NEK10: variants seen among roughly 807,000 people sequenced by gnomAD.
The protein encoded by NEK10 is serine/threonine-protein kinase Nek10.
A neutral mutation model predicts 159.8 loss-of-function variants in NEK10; 122 were observed. The ratio of observed to expected loss-of-function variants is 0.76; its 90% CI spans 0.66 to 0.89. The LOEUF (loss-of-function observed/expected upper bound fraction) is 0.89. Among genes scored for constraint, NEK10 ranks in the 40% least tolerant of loss-of-function variants. The pLI, the probability that NEK10 is intolerant of heterozygous loss-of-function variation, is 0.00. For missense variants in NEK10, 1,342 were observed against 1,323.1 expected, an observed-to-expected ratio of 1.01 and a Z score of -0.22; for synonymous variants, 466 against 457.1, an observed-to-expected ratio of 1.02 and a Z score of -0.25.
intron 23 of NEK10, among the ~76,000 whole-genome samples, chr3:27,219,944 T>A (rs897748764): frequency 2.0e-5 from 3 of 152,086 alleles, no homozygotes; most frequent in African/African-American, 7.2e-5. Flanking sequence ...CAATCCAAGA[T>A]GAAATTAAGA....
At chr3:27,307,555 A>G (rs1356876436) in intron 11 of NEK10, among the ~76,000 whole-genome samples, 1 of 152,202 alleles carries the variant, frequency 6.6e-6, no homozygotes. Context: ...GAGCCACCTC[A>G]GAGTTTCTTT....
intron 13 of NEK10, among the ~76,000 whole-genome samples, chr3:27,301,221 G>A (rs547119051): frequency 1.3e-5 from 2 of 152,354 alleles, no homozygotes; most frequent in South Asian, 2.1e-4. Context: ...CTGCTTGCAT[G>A]TGAAAATCCT....
intron 26 of NEK10, among the ~76,000 whole-genome samples, chr3:27,186,226 C>A (rs1252007538): frequency 6.6e-6 from 1 of 152,208 alleles, no homozygotes; most frequent in Non-Finnish European, 1.5e-5. Context: ...CGAAACACAT[C>A]CCAACATATT....
rs1467003545 is a variant in NEK10, at chr3:27,310,866, T to C, written c.636+83A>G. On this transcript the variant is annotated intron_variant, in intron 9 of 35. Coordinates refer to ENST00000691995, the MANE Select transcript of NEK10 (RefSeq NM_001394966.1). Reference sequence around the variant, plus strand: ...TTTGTGGATTCTAATTACACATGACTTAACCGCAAAGGCTCTGAACTTCCC... The same window carrying C: ...TTTGTGGATTCTAATTACACATGACCTAACCGCAAAGGCTCTGAACTTCCC... 7 of 822,408 alleles carry C rather than the reference T, an allele frequency of 8.5e-6. No individual in the cohort carries two copies. In the East Asian group the frequency reaches 1.0e-4, roughly 12 times the overall value. The allele number at this position is 822,408 out of a possible 1,614,324, so 50.9% of individuals were successfully genotyped here.
chr3:27,282,319 G>T (rs1409514629), intron 22 of NEK10, among the ~76,000 whole-genome samples: 1 of 151,732 alleles, frequency 6.6e-6, no homozygotes, highest in Non-Finnish European at 1.5e-5. Context: ...GCGTGATAAT[G>T]ATTAAAGAAA....
chr3:27,138,998 A>G (rs1158560165), intron 31 of NEK10, among the ~76,000 whole-genome samples: 1 of 152,202 alleles, frequency 6.6e-6, no homozygotes, highest in East Asian at 1.9e-4. Flanking sequence ...GCTCAGCTGA[A>G]GTCATGGTCT....
chr3:27,152,933 G>A (rs1352834931), intron 30 of NEK10, among the ~76,000 whole-genome samples: 1 of 152,156 alleles, frequency 6.6e-6, no homozygotes, highest in Non-Finnish European at 1.5e-5. Flanking sequence ...TTATAAAATG[G>A]TAAAAGGCCT....
At position 27,153,443 on chromosome 3, in the gene NEK10, T is replaced by C. The variant is rs1178995623; in HGVS notation, c.2869+9258A>G. On this transcript the variant is annotated intron_variant, in intron 30 of 35. Coordinates refer to ENST00000691995, the MANE Select transcript of NEK10 (RefSeq NM_001394966.1). ...AAACAATGGATTTAACTAAATACCT[T>C]GAAACAAATGGACTTAACAGATATA... Among the ~76,000 whole-genome samples the C allele has an allele frequency of 3.3e-5, 5 of 152,244 alleles. No homozygotes were observed. In the East Asian group the frequency reaches 9.6e-4, roughly 29 times the overall value.
intron 5 of NEK10, among the ~76,000 whole-genome samples, chr3:27,343,069 G>A (rs1304817736): frequency 6.6e-6 from 1 of 152,016 alleles, no homozygotes. Flanking sequence ...ACATAACCTT[G>A]GTAAAGATTT....
intron 5 of NEK10, among the ~76,000 whole-genome samples, chr3:27,328,780 G>A (rs192125658): frequency 6.6e-6 from 1 of 152,250 alleles, no homozygotes; most frequent in African/African-American, 2.4e-5. Context: ...AAAGCAGGGA[G>A]CCCTGTTAGC....
At chr3:27,252,938 G>C (rs1955808755) in intron 23 of NEK10, 1 of 507,172 alleles carries the variant, frequency 2.0e-6, no homozygotes, top group African/African-American at 1.9e-5. Flanking sequence ...AGTGTTTTAA[G>C]CCACTTAAAA....
chr3:27,307,809 C>T, intron 11 of NEK10, 50 bp downstream of exon 11: 1 of 836,414 alleles, frequency 1.2e-6, no homozygotes, highest in Non-Finnish European at 2.1e-6. Context: ...ACAAGTGTAT[C>T]TGTCAAATAA....
intron 15 of NEK10, among the ~76,000 whole-genome samples, chr3:27,295,288 T>G (rs1277091120): frequency 6.6e-6 from 1 of 152,196 alleles, no homozygotes; most frequent in African/African-American, 2.4e-5. Context: ...TCAAGATCCA[T>G]GATGGCAAAT....
At chr3:27,124,724 G>A (rs548212630) in intron 32 of NEK10, among the ~76,000 whole-genome samples, 2 of 152,296 alleles carry the variant, frequency 1.3e-5, no homozygotes, top group South Asian at 4.1e-4. Flanking sequence ...ATGCTTTCAA[G>A]GAAACTGATG....
At chr3:27,217,795 A>G (rs904476405) in intron 23 of NEK10, among the ~76,000 whole-genome samples, 1 of 152,212 alleles carries the variant, frequency 6.6e-6, no homozygotes, top group Non-Finnish European at 1.5e-5. Flanking sequence ...GAATTACAGT[A>G]GTACCCCCTT....
At chr3:27,232,561 A>C (rs988072609) in intron 23 of NEK10, among the ~76,000 whole-genome samples, 1 of 151,842 alleles carries the variant, frequency 6.6e-6, no homozygotes, top group African/African-American at 2.4e-5. Flanking sequence ...TAGAAAAAAA[A>C]TCCTAAAATT....
At chr3:27,170,221 G>A (rs1262619000) in intron 29 of NEK10, among the ~76,000 whole-genome samples, 1 of 152,126 alleles carries the variant, frequency 6.6e-6, no homozygotes, top group Admixed American at 6.6e-5. Flanking sequence ...CCTCCTGAGT[G>A]GGGGTCATCC....
chr3:27,177,272 G>C (rs957832433), intron 26 of NEK10, among the ~76,000 whole-genome samples: 19 of 152,112 alleles, frequency 1.2e-4, no homozygotes, highest in African/African-American at 4.6e-4. Context: ...GGCCAGGCAT[G>C]GTGGCTCACT....
chr3:27,304,162 C>A (rs889969301), intron 12 of NEK10, among the ~76,000 whole-genome samples: 1 of 152,058 alleles, frequency 6.6e-6, no homozygotes, highest in Non-Finnish European at 1.5e-5. Flanking sequence ...AGAGATAATG[C>A]CCACCTTAGA....
Sources: allele counts gnomAD v4.1 joint callset (sites outside exome capture counted in the v4.1 genomes callset), GRCh38; gene constraint gnomAD v4.1.1; transcripts MANE v1.5; gene names NCBI Gene and HGNC (gene_info 2026-07-23, HGNC 2026-07-21).